OCA2: variants seen among roughly 807,000 people sequenced by gnomAD.
The protein encoded by OCA2 is P protein.
A neutral mutation model predicts 100.2 loss-of-function variants in OCA2; 77 were observed. That is an observed-to-expected ratio of 0.77 (90% confidence interval 0.64 to 0.93). The LOEUF (loss-of-function observed/expected upper bound fraction) is 0.93, where lower values mean the gene tolerates loss of function less well. Among genes scored for constraint, OCA2 ranks in the 40% least tolerant of loss-of-function variants. The pLI is 0.00. For missense variants in OCA2, 1,062 were observed against 1,089.1 expected (o/e 0.98, Z 0.35); for synonymous variants, 432 against 439.2 (o/e 0.98, Z 0.21).
chr15:27,766,331 CATG>C (rs1338821939), intron 23 of OCA2, among the ~76,000 whole-genome samples: 51 of 152,242 alleles, frequency 3.3e-4, no homozygotes, highest in Middle Eastern at 3.4e-3. Flanking sequence ...GGCACTGAAG[CATG>C]CCCTGAGAAG....
chr15:27,824,334 C>T (rs1248554207), intron 23 of OCA2, among the ~76,000 whole-genome samples: 1 of 151,938 alleles, frequency 6.6e-6, no homozygotes, highest in Non-Finnish European at 1.5e-5. Flanking sequence ...TGCCATTGCA[C>T]TCCTGCCTGG....
the OCA2 span, among the ~76,000 whole-genome samples, chr15:27,722,093 T>C: frequency 6.6e-6 from 1 of 152,230 alleles, no homozygotes; most frequent in Non-Finnish European, 1.5e-5. Context: ...AGCATAATTG[T>C]GGAGTATTTA....
intron 9 of OCA2, among the ~76,000 whole-genome samples, chr15:28,010,752 G>A (rs1304558491): frequency 6.6e-6 from 1 of 152,158 alleles, no homozygotes; most frequent in Non-Finnish European, 1.5e-5. Context: ...AAATGTGGAT[G>A]TCAAAGCACC....
chr15:27,969,823 G>A (rs995421290), intron 14 of OCA2, among the ~76,000 whole-genome samples: 1 of 150,900 alleles, frequency 6.6e-6, no homozygotes, highest in African/African-American at 2.4e-5. Context: ...GGCTAGCTCT[G>A]TGACAAGTCA....
At chr15:27,810,875 A>G (rs911024250) in intron 23 of OCA2, among the ~76,000 whole-genome samples, 1 of 152,170 alleles carries the variant, frequency 6.6e-6, no homozygotes, top group Non-Finnish European at 1.5e-5. Flanking sequence ...AAAACAATAG[A>G]TGTTGATGTG....
intron 15 of OCA2, among the ~76,000 whole-genome samples, chr15:27,960,905 CAAAAAAAA>C (rs758989766): frequency 9.5e-6 from 1 of 105,576 alleles, no homozygotes; most frequent in African/African-American, 4.3e-5. Context: ...GGCTCCATCT[CAAAAAAAA>C]AAAAAAAAAA....
At chr15:27,760,428 C>A (rs886271250) in intron 23 of OCA2, among the ~76,000 whole-genome samples, 1 of 150,594 alleles carries the variant, frequency 6.6e-6, no homozygotes. Flanking sequence ...AAAAATAAAC[C>A]CAAAAACAAG....
intron 14 of OCA2, among the ~76,000 whole-genome samples, chr15:27,969,006 CTG>C (rs2040678443): frequency 6.9e-6 from 1 of 145,428 alleles, no homozygotes; most frequent in Non-Finnish European, 1.5e-5. Flanking sequence ...AAAAAAGGAA[CTG>C]TTGCGTCAGA....
intron 21 of OCA2, among the ~76,000 whole-genome samples, chr15:27,854,477 C>T (rs1000929960): frequency 1.3e-5 from 2 of 152,126 alleles, no homozygotes; most frequent in African/African-American, 4.8e-5. Flanking sequence ...TTGTCAGTAG[C>T]GTCAAATATA....
intron 9 of OCA2, among the ~76,000 whole-genome samples, chr15:27,993,220 A>G (rs1347508375): frequency 6.6e-6 from 1 of 152,106 alleles, no homozygotes. Flanking sequence ...TTGAGCACCT[A>G]CTGTGCACCC....
chr15:27,991,697 T>G (rs966321160), intron 9 of OCA2, among the ~76,000 whole-genome samples: 1 of 152,108 alleles, frequency 6.6e-6, no homozygotes, highest in Non-Finnish European at 1.5e-5. Flanking sequence ...GGGGTGAAAT[T>G]AATGGTATTT....
Position 27,826,356 on chromosome 15 carries a change from C to A in OCA2, c.2432+18603G>T, listed in dbSNP as rs535551536. ...CAGAGAAGTCAAGGAACTTCCCACA[C>A]ACACACACACACACACACAGCAGTA... On this transcript the variant is annotated intron_variant, in intron 23 of 23. Coordinates refer to ENST00000354638, the MANE Select transcript of OCA2 (RefSeq NM_000275.3). 9.4e-5 allele frequency among the ~76,000 whole-genome samples: 13 copies of A among 138,492 alleles called. No homozygotes were observed. In the East Asian group the frequency reaches 2.5e-3, roughly 27 times the overall value. The allele number at this position is 138,492 out of a possible 152,430, so 90.9% of individuals were successfully genotyped here.
intron 23 of OCA2, among the ~76,000 whole-genome samples, chr15:27,832,814 C>T (rs1305980892): frequency 6.7e-6 from 1 of 149,704 alleles, no homozygotes; most frequent in East Asian, 2.0e-4. Flanking sequence ...TGAAATATGG[C>T]CGGATTAAAT....
At chr15:27,781,634 T>C (rs1566958854) in intron 23 of OCA2, among the ~76,000 whole-genome samples, 1 of 152,344 alleles carries the variant, frequency 6.6e-6, no homozygotes, top group East Asian at 1.9e-4. Flanking sequence ...CTTTCTTATA[T>C]ATATTATTAG....
At chr15:27,988,322 C>A (rs2041430034) in intron 11 of OCA2, among the ~76,000 whole-genome samples, 1 of 151,740 alleles carries the variant, frequency 6.6e-6, no homozygotes, top group Admixed American at 6.6e-5. Context: ...GCTGTGTCCC[C>A]CAAAATTCAT....
At chr15:28,092,451 G>A (rs2044886237) in intron 1 of OCA2, among the ~76,000 whole-genome samples, 1 of 152,186 alleles carries the variant, frequency 6.6e-6, no homozygotes, top group Non-Finnish European at 1.5e-5. Context: ...GTCCTCCCAG[G>A]CTCAGTGATC....
intron 18 of OCA2, among the ~76,000 whole-genome samples, chr15:27,930,766 C>T (rs960279415): frequency 1.3e-5 from 2 of 151,718 alleles, no homozygotes; most frequent in Non-Finnish European, 2.9e-5. Context: ...AGTGTGGTGA[C>T]TGAGCCAGGC....
At chr15:28,052,964 T>C (rs891608467) in intron 2 of OCA2, among the ~76,000 whole-genome samples, 1 of 152,150 alleles carries the variant, frequency 6.6e-6, no homozygotes, top group African/African-American at 2.4e-5. Flanking sequence ...GGGATGGCGA[T>C]GGCAATGACT....
At chr15:27,911,904 T>C (rs1246464132) in intron 19 of OCA2, among the ~76,000 whole-genome samples, 1 of 152,136 alleles carries the variant, frequency 6.6e-6, no homozygotes, top group East Asian at 1.9e-4. Context: ...CAGAAAACCA[T>C]ATTTTGACAG....
Sources: allele counts gnomAD v4.1 joint callset (sites outside exome capture counted in the v4.1 genomes callset), GRCh38; gene constraint gnomAD v4.1.1; transcripts MANE v1.5; gene names NCBI Gene and HGNC (gene_info 2026-07-23, HGNC 2026-07-21).